ULK4: variants seen among roughly 807,000 people sequenced by gnomAD.
ULK4 encodes the protein unc-51 like kinase 4, also known as inactive serine/threonine-protein kinase ULK4.
A neutral mutation model predicts 160.6 loss-of-function variants in ULK4; 133 were observed. The ratio of observed to expected loss-of-function variants is 0.83; its 90% CI spans 0.72 to 0.96. The LOEUF is 0.96. Ranked by LOEUF, ULK4 falls within the 40% of genes least tolerant of loss-of-function variation. The pLI is 0.00. For missense variants in ULK4, 1,580 were observed against 1,499.5 expected, an observed-to-expected ratio of 1.05 and a Z score of -0.89; for synonymous variants, 534 against 539.8, an observed-to-expected ratio of 0.99 and a Z score of 0.15.
chr3:41,905,017 G>A (rs1033655975), intron 12 of ULK4, among the ~76,000 whole-genome samples: 5 of 152,184 alleles, frequency 3.3e-5, no homozygotes, highest in Admixed American at 1.3e-4. Context: ...ATATGGAAAT[G>A]CAAGTGACCC....
intron 34 of ULK4, among the ~76,000 whole-genome samples, chr3:41,420,519 G>A (rs1256583163): frequency 1.0e-5 from 1 of 97,990 alleles, no homozygotes; most frequent in Non-Finnish European, 1.8e-5. Flanking sequence ...GTCTCACTCT[G>A]TCACCCAGGC....
At chr3:41,367,392 T>G (rs2081273470) in intron 35 of ULK4, among the ~76,000 whole-genome samples, 1 of 152,148 alleles carries the variant, frequency 6.6e-6, no homozygotes, top group African/African-American at 2.4e-5. Flanking sequence ...GGACGGAAGG[T>G]TGAGAGTCTT....
chr3:41,772,883 G>A (rs987603216), intron 21 of ULK4, among the ~76,000 whole-genome samples: 3 of 152,100 alleles, frequency 2.0e-5, no homozygotes, highest in Non-Finnish European at 2.9e-5. Flanking sequence ...TGATCAAGTG[G>A]GCTTCATCCC....
chr3:41,819,685 A>G (rs2041082683), intron 18 of ULK4, among the ~76,000 whole-genome samples, 179 bp from the exon 19 acceptor site: 1 of 152,218 alleles, frequency 6.6e-6, no homozygotes, highest in South Asian at 2.1e-4. Context: ...TGCATTGTAC[A>G]TACAAGATAT....
rs138989376 is a variant in ULK4, at chr3:41,291,960, A to G, written c.3679-42386T>C. On this transcript the variant is annotated intron_variant, in intron 35 of 36. Coordinates refer to ENST00000301831, the MANE Select transcript of ULK4 (RefSeq NM_017886.4). ...ATTATCCTGCCTCAGCCTTCCGAGT[A>G]GCTGGGACTACAGGCCCCCACCACC... 2.3e-3 allele frequency among the ~76,000 whole-genome samples: 345 copies of G among 151,374 alleles called. 2 individuals carry two copies. Among genetic ancestry groups the G allele is most frequent in the African/African-American group, 7.8e-3 (320 of 41,234 alleles).
chr3:41,632,406 A>G (rs2033787692), intron 30 of ULK4, among the ~76,000 whole-genome samples: 1 of 152,166 alleles, frequency 6.6e-6, no homozygotes, highest in Admixed American at 6.5e-5. Flanking sequence ...AATACAAGAG[A>G]TTTTTTGTTT....
chr3:41,856,554 T>C (rs1249355409), intron 17 of ULK4, among the ~76,000 whole-genome samples: 4 of 44,850 alleles, frequency 8.9e-5, no homozygotes, highest in Non-Finnish European at 1.4e-4. Context: ...TATATGTGTA[T>C]ATATATACAC....
chr3:41,688,793 C>A (rs2036185421), intron 27 of ULK4, among the ~76,000 whole-genome samples: 1 of 152,146 alleles, frequency 6.6e-6, no homozygotes, highest in South Asian at 2.1e-4. Context: ...TGAGTTTCTA[C>A]CTCACTTATC....
intron 18 of ULK4, among the ~76,000 whole-genome samples, chr3:41,824,070 G>A (rs982674933): frequency 1.3e-5 from 2 of 149,116 alleles, no homozygotes; most frequent in Non-Finnish European, 3.0e-5. Flanking sequence ...GGCTGAAACA[G>A]GAGAATTGCT....
chr3:41,774,676 G>A (rs10452023), intron 21 of ULK4, among the ~76,000 whole-genome samples: 4 of 148,500 alleles, frequency 2.7e-5, no homozygotes, highest in African/African-American at 5.2e-5. Context: ...GATTCCTCAG[G>A]GATCTAGAAC....
At chr3:41,704,777 A>G (rs1470527412) in intron 27 of ULK4, among the ~76,000 whole-genome samples, 1 of 151,872 alleles carries the variant, frequency 6.6e-6, no homozygotes, top group East Asian at 2.0e-4. Flanking sequence ...CTTGCACTGA[A>G]GGTTTGTACT....
rs148337596 is a variant in ULK4 at position 41,384,469 on chromosome 3, G to C, written c.3678+13610C>G. 1.9e-3 allele frequency among the ~76,000 whole-genome samples: 289 copies of C among 152,218 alleles called. 1 individual carries two copies. The highest frequency in any genetic ancestry group is 0.01 in the Middle Eastern group (3 of 294). On this transcript the variant is annotated intron_variant, in intron 35 of 36. Transcript: ENST00000301831. The stretch of plus-strand genomic sequence containing the variant: ...AGCATTTTGGGAGGCTGAGGCAGGC[G>C]ATCACTTGAGCCCAGTTCAAGACCA...
intron 30 of ULK4, among the ~76,000 whole-genome samples, chr3:41,641,944 C>T (rs1370721979): frequency 2.7e-5 from 4 of 149,310 alleles, no homozygotes; most frequent in Admixed American, 2.0e-4. Flanking sequence ...GGCGTGATCT[C>T]GGCTCACTGC....
chr3:41,343,596 G>A (rs779862453), intron 35 of ULK4, among the ~76,000 whole-genome samples: 1 of 151,902 alleles, frequency 6.6e-6, no homozygotes, highest in Non-Finnish European at 1.5e-5. Context: ...GAGCCACCAC[G>A]CCTGACCAAT....
At chr3:41,482,157 T>G (rs1187252671) in intron 32 of ULK4, among the ~76,000 whole-genome samples, 1 of 152,136 alleles carries the variant, frequency 6.6e-6, no homozygotes, top group African/African-American at 2.4e-5. Context: ...GAACCCTCTT[T>G]TGGGGGCTGG....
At chr3:41,366,206 C>A (rs1449612688) in intron 35 of ULK4, among the ~76,000 whole-genome samples, 1 of 152,174 alleles carries the variant, frequency 6.6e-6, no homozygotes, top group East Asian at 1.9e-4. Flanking sequence ...AAAGGGCTTC[C>A]TGGCTTCACT....
At chr3:41,486,756 G>A (rs1208100155) in intron 32 of ULK4, among the ~76,000 whole-genome samples, 1 of 152,108 alleles carries the variant, frequency 6.6e-6, no homozygotes, top group Non-Finnish European at 1.5e-5. Flanking sequence ...TGGCCTTCTG[G>A]ACTAACTGCA....
intron 21 of ULK4, 85 bp from the exon 22 acceptor site, chr3:41,754,573 T>C (rs1469431870): frequency 1.9e-5 from 24 of 1,282,220 alleles, no homozygotes; most frequent in Non-Finnish European, 6.3e-6. Context: ...ACTATAATAA[T>C]CAAGCAGATG....
In ULK4 at chr3:41,903,588, GAA is replaced by G. The variant is rs71075493; in HGVS notation, c.1183-2761_1183-2760del. On this transcript the variant is annotated intron_variant, in intron 12 of 36. Transcript: ENST00000301831. ...AAACAGAGCGAGACTCTGTCTCAAA[GAA>G]AAAAAAAAAAAAATGTAAGATGAGT... Among the ~76,000 whole-genome samples, 472 of 138,154 alleles carry G rather than the reference GAA, an allele frequency of 3.4e-3. 3 individuals are homozygous for G. The highest frequency in any genetic ancestry group is 0.019 in the South Asian group (87 of 4,466). The allele number at this position is 138,154 out of a possible 152,430, so 90.6% of individuals were successfully genotyped here.
Sources: allele counts gnomAD v4.1 joint callset (sites outside exome capture counted in the v4.1 genomes callset), GRCh38; gene constraint gnomAD v4.1.1; transcripts MANE v1.5; gene names NCBI Gene and HGNC (gene_info 2026-07-23, HGNC 2026-07-21).